The following GABRB1 variants were observed in gnomAD, a reference collection of about 807,000 sequenced individuals.
GABRB1 encodes gamma-aminobutyric acid receptor subunit beta-1.
In GABRB1, 17 loss-of-function variants were observed where a neutral mutation model predicts 51.6. That is an observed-to-expected ratio of 0.33 (90% confidence interval 0.23 to 0.49). The LOEUF is 0.49. Among genes scored for constraint, GABRB1 ranks in the 20% least tolerant of loss-of-function variants. The probability of loss-of-function intolerance (pLI) is 0.99; values close to 1 mark genes in which losing one functional copy is unlikely to be tolerated. For synonymous variants in GABRB1, 247 were observed against 218.9 expected (o/e 1.13, Z -1.14); for missense variants, 410 against 600.6 (o/e 0.68, Z 3.32).
intron 4 of GABRB1, among the ~76,000 whole-genome samples, chr4:47,236,733 T>C (rs1023890436): frequency 6.6e-6 from 1 of 152,196 alleles, no homozygotes; most frequent in African/African-American, 2.4e-5. Flanking sequence ...CAATGTTCAA[T>C]CCTGGTGAGC....
intron 3 of GABRB1, among the ~76,000 whole-genome samples, chr4:47,124,661 T>C (rs552710376): frequency 2.0e-5 from 3 of 152,090 alleles, no homozygotes; most frequent in South Asian, 2.1e-4. Flanking sequence ...AACAAAGAAA[T>C]AGAAATTGCA....
chr4:47,024,948 A>ATATATATATATATATATATATATATT lies in GABRB1; in HGVS notation c.-19-6963_-19-6962insATATATATATATATATATATATTTAT, dbSNP rs1310486153. On this transcript the variant is annotated intron_variant, in intron 1 of 3. Transcript: ENST00000513567. ...AGTATTCCATCATATATATATATAT[A>ATATATATATATATATATATATATATT]TATGTTATTTGTTTTTATTATCTAG... Among the ~76,000 whole-genome samples the ATATATATATATATATATATATATATT allele has an allele frequency of 2.9e-5, 4 of 138,158 alleles. 1 individual carries two copies. The highest frequency in any genetic ancestry group is 6.2e-5 in the Non-Finnish European group (4 of 64,472). The allele number at this position is 138,158 out of a possible 152,430, so 90.6% of individuals were successfully genotyped here.
chr4:47,079,790 C>T (rs1257328149), intron 3 of GABRB1, among the ~76,000 whole-genome samples: 5 of 133,686 alleles, frequency 3.7e-5, no homozygotes, highest in African/African-American at 1.4e-4. Context: ...TAGGTGGGAA[C>T]TGAACAATGA....
rs1727067091 is a variant in GABRB1 at position 47,066,054 on chromosome 4, GGCTGTCAAA to G, written c.240+33573_240+33581del. 3.9e-5 allele frequency among the ~76,000 whole-genome samples: 6 copies of G among 152,046 alleles called. No homozygotes were observed. In the South Asian group the frequency reaches 1.2e-3, roughly 32 times the overall value. ...ATCAACTATAAGATGTATGGGCCAG[GGCTGTCAAA>G]GCCATACGAACAATTGCTTAGGTGC... On this transcript the variant is annotated intron_variant, in intron 3 of 8. Coordinates refer to ENST00000295454, the MANE Select transcript of GABRB1 (RefSeq NM_000812.4).
At chr4:46,997,171 A>G (rs917261404) in intron 1 of GABRB1, among the ~76,000 whole-genome samples, 7 of 152,092 alleles carry the variant, frequency 4.6e-5, no homozygotes, top group African/African-American at 1.7e-4. Flanking sequence ...CTAGTTATAG[A>G]CTTTTTATCT....
At chr4:47,262,738 T>C (rs1199676507) in intron 4 of GABRB1, among the ~76,000 whole-genome samples, 1 of 152,104 alleles carries the variant, frequency 6.6e-6, no homozygotes, top group Non-Finnish European at 1.5e-5. Flanking sequence ...TAAAGACACA[T>C]GCACACATAT....
intron 1 of GABRB1, among the ~76,000 whole-genome samples, chr4:46,997,742 G>GTA (rs1015630324): frequency 1.1e-4 from 11 of 99,716 alleles, no homozygotes; most frequent in South Asian, 3.9e-4. Flanking sequence ...ATGCACACAC[G>GTA]TATATATATA....
chr4:47,037,430 C>A (rs1725628340), intron 3 of GABRB1, among the ~76,000 whole-genome samples: 1 of 152,042 alleles, frequency 6.6e-6, no homozygotes, highest in Admixed American at 6.5e-5. Context: ...ACAAGTTTTT[C>A]TCTTAGGTTC....
At chr4:47,180,308 A>T (rs1482708506) in intron 4 of GABRB1, among the ~76,000 whole-genome samples, 2 of 152,096 alleles carry the variant, frequency 1.3e-5, no homozygotes, top group Admixed American at 1.3e-4. Context: ...TTTGGTGGAA[A>T]TATTTATTCT....
At chr4:47,181,777 A>G (rs943432476) in intron 4 of GABRB1, among the ~76,000 whole-genome samples, 2 of 151,984 alleles carry the variant, frequency 1.3e-5, no homozygotes, top group Admixed American at 6.6e-5. Context: ...CATTTGTTTT[A>G]TCTGTGTGTT....
intron 4 of GABRB1, among the ~76,000 whole-genome samples, chr4:47,250,700 G>A (rs543275199): frequency 1.2e-4 from 18 of 152,120 alleles, no homozygotes; most frequent in African/African-American, 1.7e-4. Flanking sequence ...TTAAAACCTC[G>A]TCTTAGAGCT....
intron 4 of GABRB1, among the ~76,000 whole-genome samples, chr4:47,311,186 G>C (rs1403350815): frequency 6.6e-6 from 1 of 151,688 alleles, no homozygotes; most frequent in African/African-American, 2.4e-5. Flanking sequence ...TTGAGGTCAG[G>C]AGTTCGAGAC....
At chr4:47,276,035 G>A (rs79872421) in intron 4 of GABRB1, among the ~76,000 whole-genome samples, 9,751 of 152,196 alleles carry the variant, frequency 0.064, 430 homozygotes, top group South Asian at 0.2. Context: ...TTCAGCAGTA[G>A]AAGAAAAGGT....
chr4:47,091,431 A>C (rs1183913196), intron 3 of GABRB1, among the ~76,000 whole-genome samples: 1 of 152,202 alleles, frequency 6.6e-6, no homozygotes. Context: ...AGGAGTTAGA[A>C]AACAGAAATA....
chr4:47,308,038 T>C (rs1370055839), intron 4 of GABRB1, among the ~76,000 whole-genome samples: 1 of 152,026 alleles, frequency 6.6e-6, no homozygotes, highest in Admixed American at 6.6e-5. Flanking sequence ...AATAATCTTA[T>C]TTATTAGATT....
At chr4:47,242,383 A>G (rs1325756082) in intron 4 of GABRB1, among the ~76,000 whole-genome samples, 3 of 152,154 alleles carry the variant, frequency 2.0e-5, no homozygotes, top group African/African-American at 7.2e-5. Context: ...ATGATTTATA[A>G]TCCTTTGAGT....
chr4:47,241,872 T>C (rs1721536934), intron 4 of GABRB1, among the ~76,000 whole-genome samples: 1 of 152,102 alleles, frequency 6.6e-6, no homozygotes, highest in South Asian at 2.1e-4. Context: ...TTTTTATCAT[T>C]TCTTTTTATT....
intron 3 of GABRB1, among the ~76,000 whole-genome samples, chr4:47,082,463 TC>T (rs1727890981): frequency 6.6e-6 from 1 of 152,158 alleles, no homozygotes; most frequent in Admixed American, 6.6e-5. Flanking sequence ...TAGATGTAAA[TC>T]AGAAGTATTG....
chr4:47,350,952 G>A (rs1208336737), intron 5 of GABRB1, among the ~76,000 whole-genome samples: 1 of 152,190 alleles, frequency 6.6e-6, no homozygotes, highest in Non-Finnish European at 1.5e-5. Flanking sequence ...CTCAATAATG[G>A]TTTGTTGAGT....
Sources: allele counts gnomAD v4.1 joint callset (sites outside exome capture counted in the v4.1 genomes callset), GRCh38; gene constraint gnomAD v4.1.1; transcripts MANE v1.5; gene names NCBI Gene and HGNC (gene_info 2026-07-23, HGNC 2026-07-21).